COL22A1: variants seen among roughly 807,000 people sequenced by gnomAD.
COL22A1 encodes collagen type XXII alpha 1 chain.
Under a neutral mutation model 248.9 loss-of-function variants are expected in COL22A1, and 221 were observed. The observed-to-expected ratio is 0.89, with a 90% CI of 0.80 to 0.99. COL22A1 has a LOEUF of 0.99. Among genes scored for constraint, COL22A1 ranks in the 50% least tolerant of loss-of-function variants. The probability of loss-of-function intolerance (pLI) is 0.00; values close to 1 mark genes in which losing one functional copy is unlikely to be tolerated. For missense variants in COL22A1, 2,240 were observed against 2,179.0 expected, an observed-to-expected ratio of 1.03 and a Z score of -0.56; for synonymous variants, 891 against 793.4, an observed-to-expected ratio of 1.12 and a Z score of -2.07.
intron 16 of COL22A1, among the ~76,000 whole-genome samples, chr8:138,774,392 T>C (rs1814203329): frequency 6.6e-6 from 1 of 151,920 alleles, no homozygotes; most frequent in South Asian, 2.1e-4. Context: ...GCTATAAGTT[T>C]TAAAATGCTC....
chr8:138,597,371 G>T (rs1034723635), intron 61 of COL22A1, among the ~76,000 whole-genome samples: 2 of 152,178 alleles, frequency 1.3e-5, no homozygotes, highest in African/African-American at 4.8e-5. Context: ...ATAGCCTACA[G>T]GCTGCCTTCT....
intron 3 of COL22A1, among the ~76,000 whole-genome samples, chr8:138,867,896 C>T (rs1054086333): frequency 2.0e-5 from 3 of 152,086 alleles, no homozygotes; most frequent in African/African-American, 7.2e-5. Context: ...TCCTGAGCAG[C>T]TGGGATTATA....
intron 10 of COL22A1, among the ~76,000 whole-genome samples, chr8:138,804,870 GTATA>G (rs1406397772): frequency 6.6e-6 from 1 of 150,866 alleles, no homozygotes; most frequent in African/African-American, 2.4e-5. Context: ...TGGTGTGTGT[GTATA>G]TGTGATGTGT....
rs752712715 is a variant in COL22A1 at position 138,780,979 on chromosome 8, C to T, written c.1598G>A (p.Gly533Asp). 1.8e-5 allele frequency: 28 copies of T among 1,594,158 alleles called. No homozygotes were observed. The Admixed American group carries it at 4.9e-4, about 28-fold the overall frequency. The change falls in exon 13 of 65, where the codon GGT (glycine) becomes GAT (aspartate). Residue 533 changes from glycine to aspartate, a missense_variant and splice_region_variant. Transcript: ENST00000303045. ...PFGQGEKGEK[G>D]SLGLPGPPGR... ...AGGGGGGCCGGGCAGGCCCAGGGAA[C>T]CCTAAAGCCAAAAAAAGAGAATAGC...
intron 3 of COL22A1, among the ~76,000 whole-genome samples, chr8:138,875,051 A>G (rs1823610128): frequency 6.6e-6 from 1 of 152,198 alleles, no homozygotes; most frequent in Non-Finnish European, 1.5e-5. Flanking sequence ...ATTAACCAGT[A>G]TAATTCTGAC....
At chr8:138,709,635 A>G (rs1057234518) in intron 30 of COL22A1, among the ~76,000 whole-genome samples, 6 of 100,640 alleles carry the variant, frequency 6.0e-5, no homozygotes, top group African/African-American at 2.3e-4. Context: ...TGGGGCCTGT[A>G]GTAGGGTGGG....
At chr8:138,687,715 C>T (rs1826473936) in intron 37 of COL22A1, among the ~76,000 whole-genome samples, 1 of 152,210 alleles carries the variant, frequency 6.6e-6, no homozygotes, top group African/African-American at 2.4e-5. Flanking sequence ...ATCAATGCGG[C>T]ATCACCCTCA....
At chr8:138,843,437 G>T (rs1454690197) in intron 4 of COL22A1, among the ~76,000 whole-genome samples, 1 of 152,176 alleles carries the variant, frequency 6.6e-6, no homozygotes, top group Non-Finnish European at 1.5e-5. Flanking sequence ...TTCTGCAGTG[G>T]CTTCCTGGTT....
At chr8:138,792,835 G>A (rs1285189278) in intron 12 of COL22A1, among the ~76,000 whole-genome samples, 1 of 152,166 alleles carries the variant, frequency 6.6e-6, no homozygotes, top group African/African-American at 2.4e-5. Context: ...CCAAAGAACA[G>A]TGATTCAATC....
At chr8:138,686,321 T>G (rs942604050) in intron 37 of COL22A1, among the ~76,000 whole-genome samples, 1 of 152,202 alleles carries the variant, frequency 6.6e-6, no homozygotes, top group South Asian at 2.1e-4. Context: ...TGAACAGCCC[T>G]TGTGGCGGCC....
At chr8:138,614,237 T>C (rs1819130989) in intron 55 of COL22A1, among the ~76,000 whole-genome samples, 1 of 152,152 alleles carries the variant, frequency 6.6e-6, no homozygotes, top group African/African-American at 2.4e-5. Context: ...GAATCTCTCT[T>C]GAAGTTCTTT....
intron 1 of COL22A1, among the ~76,000 whole-genome samples, chr8:138,892,604 CCT>C (rs1477458034): frequency 3.9e-5 from 6 of 152,298 alleles, no homozygotes; most frequent in African/African-American, 1.4e-4. Flanking sequence ...AGGCCACACC[CCT>C]GTCCCTGGGA....
rs572407616 is a variant in COL22A1 at position 138,854,888 on chromosome 8, ATGGTGGTGATGG to A, written c.659-10742_659-10731del. Among the ~76,000 whole-genome samples, 1,281 of 151,330 alleles carry A rather than the reference ATGGTGGTGATGG, an allele frequency of 8.5e-3. 20 individuals carry two copies. The highest frequency in any genetic ancestry group is 0.026 in the Admixed American group (392 of 15,196). On this transcript the variant is annotated intron_variant, in intron 3 of 64. Transcript: ENST00000303045. The stretch of plus-strand genomic sequence containing the variant: ...GGTGCTGATGGCGACAGTGGTAGCA[ATGGTGGTGATGG>A]TGGTGGTGATGGTGATGCTGATGGT...
chr8:138,592,729 C>T, intron 63 of COL22A1, among the ~76,000 whole-genome samples: 1 of 139,476 alleles, frequency 7.2e-6, no homozygotes, highest in South Asian at 2.2e-4. Flanking sequence ...CATGCTTATT[C>T]CTAATCGGTC....
intron 3 of COL22A1, among the ~76,000 whole-genome samples, chr8:138,874,332 G>C (rs2132025451): frequency 6.6e-6 from 1 of 152,278 alleles, no homozygotes. Flanking sequence ...CGTGTGTTCT[G>C]GGCTGGCCTG....
At chr8:138,772,355 C>T (rs1834443400) in intron 16 of COL22A1, among the ~76,000 whole-genome samples, 1 of 152,168 alleles carries the variant, frequency 6.6e-6, no homozygotes, top group African/African-American at 2.4e-5. Context: ...GGCTGAAAGG[C>T]AAACAAATGC....
intron 57 of COL22A1, 25 bp downstream of exon 57, chr8:138,607,911 C>A (rs1376577611): frequency 6.2e-7 from 1 of 1,612,020 alleles, no homozygotes; most frequent in Admixed American, 1.7e-5. Context: ...CTGATGCCAT[C>A]ACATAGCAGC....
At chr8:138,876,691 T>C (rs1221047873) in intron 3 of COL22A1, among the ~76,000 whole-genome samples, 1 of 152,130 alleles carries the variant, frequency 6.6e-6, no homozygotes, top group Non-Finnish European at 1.5e-5. Flanking sequence ...CTGCCTCCCC[T>C]TCTGACTCAC....
intron 4 of COL22A1, among the ~76,000 whole-genome samples, chr8:138,842,303 T>C (rs952615015): frequency 1.3e-5 from 2 of 152,222 alleles, no homozygotes; most frequent in Non-Finnish European, 2.9e-5. Flanking sequence ...TCAGGAGGCA[T>C]TCATTATTAC....
Sources: allele counts gnomAD v4.1 joint callset (sites outside exome capture counted in the v4.1 genomes callset), GRCh38; gene constraint gnomAD v4.1.1; transcripts MANE v1.5; gene names NCBI Gene and HGNC (gene_info 2026-07-23, HGNC 2026-07-21).